The following RAB2A variants were observed in gnomAD, a reference collection of about 807,000 sequenced individuals.
RAB2A encodes ras-related protein Rab-2A.
Under a neutral mutation model 32.5 loss-of-function variants are expected in RAB2A, and 7 were observed. The observed-to-expected ratio is 0.22, with a 90% CI of 0.12 to 0.40. The LOEUF is 0.40. Ranked by LOEUF, RAB2A falls within the 10% of genes least tolerant of loss-of-function variation. The pLI, the probability that RAB2A is intolerant of heterozygous loss-of-function variation, is 1.00. For synonymous variants in RAB2A, 79 were observed against 85.2 expected (o/e 0.93, Z 0.40); for missense variants, 108 against 260.7 (o/e 0.41, Z 4.03).
At chr8:60,526,057 A>ATATATATAG (rs57164591) in intron 1 of RAB2A, among the ~76,000 whole-genome samples, 1 of 93,800 alleles carries the variant, frequency 1.1e-5, no homozygotes. Context: ...ATATATATAT[A>ATATATATAG]AGTTTTCTGT....
chr8:60,528,172 T>C (rs930639499), intron 1 of RAB2A, among the ~76,000 whole-genome samples: 5 of 152,236 alleles, frequency 3.3e-5, no homozygotes, highest in African/African-American at 1.2e-4. Context: ...CATTCATGCA[T>C]AATAGTGCAG....
rs1028778468 is a variant in RAB2A, at chr8:60,574,750, C to A, written c.186+2637C>A. On this transcript the variant is annotated intron_variant, in intron 3 of 7. Transcript: ENST00000262646. The stretch of plus-strand genomic sequence containing the variant: ...TTTTTGTTTTTGCTTGAGTTGATTT[C>A]TTTGCACAACAATAAACTTGCAAAA... Among the ~76,000 whole-genome samples the A allele has an allele frequency of 2.0e-5, 3 of 152,028 alleles. No homozygotes were observed. In the East Asian group the frequency reaches 5.8e-4, roughly 29 times the overall value.
intron 6 of RAB2A, among the ~76,000 whole-genome samples, chr8:60,612,528 A>G (rs775071998): frequency 4.6e-5 from 7 of 152,190 alleles, no homozygotes; most frequent in Non-Finnish European, 1.0e-4. Flanking sequence ...TTTTATGTTC[A>G]TTTTTAACTG....
intron 1 of RAB2A, among the ~76,000 whole-genome samples, chr8:60,550,195 TTC>T (rs780439334): frequency 2.6e-5 from 4 of 152,206 alleles, no homozygotes; most frequent in Non-Finnish European, 5.9e-5. Context: ...TCACTGAACT[TTC>T]TGTTTGATCA....
At chr8:60,616,300 A>C (rs1428614987) in intron 6 of RAB2A, among the ~76,000 whole-genome samples, 3 of 152,240 alleles carry the variant, frequency 2.0e-5, no homozygotes, top group Admixed American at 2.0e-4. Flanking sequence ...GCAAATTGAC[A>C]CATTTAATAA....
At chr8:60,605,607 C>G (rs1020222171) in intron 6 of RAB2A, among the ~76,000 whole-genome samples, 1 of 152,148 alleles carries the variant, frequency 6.6e-6, no homozygotes, top group East Asian at 1.9e-4. Context: ...CCATCACACC[C>G]CTGTGCCCTG....
chr8:60,592,679 T>C (rs1430374103), intron 6 of RAB2A, among the ~76,000 whole-genome samples: 1 of 152,204 alleles, frequency 6.6e-6, no homozygotes, highest in Non-Finnish European at 1.5e-5. Flanking sequence ...ACCTGAACTA[T>C]TGGAACTTTT....
chr8:60,603,386 T>G (rs1804170552), intron 6 of RAB2A, among the ~76,000 whole-genome samples: 1 of 152,224 alleles, frequency 6.6e-6, no homozygotes, highest in Admixed American at 6.5e-5. Flanking sequence ...TTGGATAATT[T>G]ACAGCATAAG....
intron 1 of RAB2A, among the ~76,000 whole-genome samples, chr8:60,550,072 C>G (rs757477554): frequency 1.3e-5 from 2 of 152,142 alleles, no homozygotes; most frequent in Non-Finnish European, 2.9e-5. Flanking sequence ...CACATATTCA[C>G]TTGTCTACTC....
chr8:60,517,098 G>T lies in RAB2A; in HGVS notation c.-110G>T. The T allele has an allele frequency of 8.4e-7, 1 of 1,184,382 alleles. No homozygotes were observed. Among genetic ancestry groups the T allele is most frequent in the Non-Finnish European group, 1.1e-6 (1 of 888,522 alleles). The allele number at this position is 1,184,382 out of a possible 1,614,324, so 73.4% of individuals were successfully genotyped here. A position where few individuals can be genotyped will look rare whatever the true frequency, so the allele number is the denominator to read the frequency against. On this transcript the variant is annotated 5_prime_UTR_variant, in exon 1 of 8. Transcript: ENST00000262646. ...GGCGGCTGACAGCAGCAGCGGCGGC[G>T]GCGGGCGGCGCCTGGCGTTTCGAGG...
intron 2 of RAB2A, among the ~76,000 whole-genome samples, chr8:60,563,765 C>A (rs778819083): frequency 1.2e-4 from 19 of 152,178 alleles, no homozygotes; most frequent in Non-Finnish European, 2.5e-4. Flanking sequence ...TTTTTTACCT[C>A]ATCAGAATTA....
intron 5 of RAB2A, among the ~76,000 whole-genome samples, chr8:60,588,819 G>A (rs1025228710): frequency 7.9e-5 from 12 of 152,158 alleles, no homozygotes; most frequent in Non-Finnish European, 1.6e-4. Flanking sequence ...AAGCTATAAT[G>A]TAAAACATCG....
intron 6 of RAB2A, among the ~76,000 whole-genome samples, chr8:60,614,892 C>G (rs553567626): frequency 2.0e-5 from 3 of 152,254 alleles, no homozygotes; most frequent in East Asian, 3.9e-4. Flanking sequence ...AGGCAGGCTT[C>G]TTTTACTGCA....
intron 2 of RAB2A, among the ~76,000 whole-genome samples, chr8:60,560,727 T>C (rs1808008778): frequency 7.0e-6 from 1 of 143,548 alleles, no homozygotes; most frequent in African/African-American, 2.6e-5. Flanking sequence ...ACTATGAGAT[T>C]TTTTTTGTTT....
chr8:60,537,023 A>G (rs764587054), intron 1 of RAB2A, among the ~76,000 whole-genome samples: 10 of 152,318 alleles, frequency 6.6e-5, no homozygotes, highest in Non-Finnish European at 1.2e-4. Flanking sequence ...TTTTACCATC[A>G]TTACTAGCAA....
intron 6 of RAB2A, among the ~76,000 whole-genome samples, chr8:60,596,450 C>G (rs1420552362): frequency 6.6e-6 from 1 of 152,052 alleles, no homozygotes; most frequent in Non-Finnish European, 1.5e-5. Context: ...AACAAATTTA[C>G]AAGAAAAAAA....
intron 1 of RAB2A, among the ~76,000 whole-genome samples, chr8:60,551,769 C>A (rs1013997922): frequency 6.6e-6 from 1 of 151,994 alleles, no homozygotes; most frequent in Non-Finnish European, 1.5e-5. Context: ...TCATAGCTCA[C>A]TGCAACCTCA....
At chr8:60,551,274 C>T (rs1807843580) in intron 1 of RAB2A, among the ~76,000 whole-genome samples, 1 of 152,182 alleles carries the variant, frequency 6.6e-6, no homozygotes, top group South Asian at 2.1e-4. Flanking sequence ...AGTCTTTCAT[C>T]CCATTCCACA....
chr8:60,526,082 A>G (rs1469908943), intron 1 of RAB2A, among the ~76,000 whole-genome samples: 1 of 143,710 alleles, frequency 7.0e-6, no homozygotes, highest in Non-Finnish European at 1.5e-5. Context: ...AGCATAACAA[A>G]CTACCAGAAA....
Sources: allele counts gnomAD v4.1 joint callset (sites outside exome capture counted in the v4.1 genomes callset), GRCh38; gene constraint gnomAD v4.1.1; transcripts MANE v1.5; gene names NCBI Gene and HGNC (gene_info 2026-07-23, HGNC 2026-07-21).